The following MB variants were observed in gnomAD, a reference collection of about 807,000 sequenced individuals.
MB encodes the protein nitrite reductase MB.
A neutral mutation model predicts 14.5 loss-of-function variants in MB; 10 were observed. That is an observed-to-expected ratio of 0.69 (90% CI 0.43 to 1.17). The LOEUF (loss-of-function observed/expected upper bound fraction) is 1.17, where lower values mean the gene tolerates loss of function less well. Among genes scored for constraint, MB ranks in the 50% most tolerant of loss-of-function variants. The pLI, the probability that MB is intolerant of heterozygous loss-of-function variation, is 0.00. For missense variants in MB, 169 were observed against 192.7 expected (o/e 0.88, Z 0.73); for synonymous variants, 89 against 78.6 (o/e 1.13, Z -0.70).
At chr22:35,614,197 T>C (rs1202604329) in intron 1 of MB, among the ~76,000 whole-genome samples, 1 of 152,190 alleles carries the variant, frequency 6.6e-6, no homozygotes, top group African/African-American at 2.4e-5. Context: ...GTCAGATCCA[T>C]GAACACCCCT....
intron 1 of MB, among the ~76,000 whole-genome samples, chr22:35,612,088 C>G (rs1245977727): frequency 6.6e-6 from 1 of 152,318 alleles, no homozygotes; most frequent in Admixed American, 6.5e-5. Flanking sequence ...ATAACTCCCA[C>G]CCTTTCCCTT....
At chr22:35,611,890 C>CTCCA (rs1480080976) in intron 1 of MB, among the ~76,000 whole-genome samples, 1 of 152,054 alleles carries the variant, frequency 6.6e-6, no homozygotes, top group Non-Finnish European at 1.5e-5. Flanking sequence ...TCCTGCCCAC[C>CTCCA]TCCAGCTTTA....
At chr22:35,620,696 C>G (rs1018467727), upstream of MB, among the ~76,000 whole-genome samples, 1 of 152,184 alleles carries the variant, frequency 6.6e-6, no homozygotes, top group Non-Finnish European at 1.5e-5. Flanking sequence ...ACGCAATGTG[C>G]GGTTTTCAAA....
rs45558642 is a variant in MB, at chr22:35,615,101, G to A, written c.95+2062C>T. ...GTGTACGTGCAGTGAAGGCCTCAGTGTTTTACAGACTGGGCTTCATGGAAT... is the reference window on the plus strand; with the variant it reads ...GTGTACGTGCAGTGAAGGCCTCAGTATTTTACAGACTGGGCTTCATGGAAT... On this transcript the variant is annotated intron_variant, in intron 1 of 2. Coordinates refer to ENST00000397326, the MANE Select transcript of MB (RefSeq NM_005368.3). 5.2e-3 allele frequency among the ~76,000 whole-genome samples: 787 copies of A among 152,292 alleles called. 27 individuals are homozygous for A. Among genetic ancestry groups the A allele is most frequent in the Admixed American group, 0.04 (618 of 15,296 alleles).
Position 35,607,732 on chromosome 22 carries a change from C to T in MB, c.319-289G>A, listed in dbSNP as rs187284100. On this transcript the variant is annotated intron_variant, in intron 2 of 2. Coordinates refer to ENST00000397326, the MANE Select transcript of MB (RefSeq NM_005368.3). The stretch of plus-strand genomic sequence containing the variant: ...CCAGGAGGGCCGGCTCCGGAGCCCA[C>T]GCTCTTACTCACAGCCCCCTCCACT... Among the ~76,000 whole-genome samples, 11 of 152,282 alleles carry T rather than the reference C, an allele frequency of 7.2e-5. No homozygotes were observed. In the East Asian group the frequency reaches 1.2e-3, roughly 16 times the overall value.
intron 2 of MB, among the ~76,000 whole-genome samples, 158 bp from the exon 3 acceptor site, chr22:35,607,601 C>T (rs45546941): frequency 5.7e-4 from 87 of 152,326 alleles, no homozygotes; most frequent in Non-Finnish European, 1.1e-3. Context: ...CACGGATGAA[C>T]CCCTTTGATC....
intron 1 of MB, among the ~76,000 whole-genome samples, chr22:35,611,737 C>T (rs1922646195): frequency 6.6e-6 from 1 of 152,196 alleles, no homozygotes; most frequent in South Asian, 2.1e-4. Context: ...CCCACTCCTG[C>T]CAGGCACTCA....
chr22:35,610,125 G>A (rs542796107), intron 2 of MB, among the ~76,000 whole-genome samples: 6 of 152,018 alleles, frequency 3.9e-5, no homozygotes, highest in South Asian at 4.2e-4. Context: ...TTCTACCCTC[G>A]GGGGATGCAC....
chr22:35,622,327 C>T (rs377734701), upstream of MB, among the ~76,000 whole-genome samples: 1 of 152,236 alleles, frequency 6.6e-6, no homozygotes, highest in South Asian at 2.1e-4. Context: ...AGCGCCAGGC[C>T]AGGGCTCAGA....
chr22:35,616,803 T>C (rs932237660), intron 1 of MB, among the ~76,000 whole-genome samples: 3 of 152,172 alleles, frequency 2.0e-5, no homozygotes, highest in African/African-American at 7.2e-5. Context: ...GGAAATGTCC[T>C]CCCCTTCTCA....
At chr22:35,617,763 C>T (rs1923191650), upstream of MB, among the ~76,000 whole-genome samples, 1 of 152,182 alleles carries the variant, frequency 6.6e-6, no homozygotes, top group South Asian at 2.1e-4. Flanking sequence ...TCTCACGCAC[C>T]TTCTGCCCCT....
At position 35,611,073 on chromosome 22, in the gene MB, CT is replaced by C; in HGVS notation, c.128del (p.Lys43SerfsTer8). 6.2e-7 allele frequency: 1 copy of C among 1,614,154 alleles called. No homozygotes were observed. The highest frequency in any genetic ancestry group is 1.1e-5 in the South Asian group (1 of 91,070). On this transcript the variant is annotated frameshift_variant, in exon 2 of 3. Coordinates refer to ENST00000397326, the MANE Select transcript of MB (RefSeq NM_005368.3). LOFTEE classifies it high-confidence loss of function. ...ACTTCAGGTGCTTGAACTTGTCAAA[CT>C]TCTCCAGAGTCTCTGGGTGACCCTT... ...LFKGHPETLE[K>X]FDKFKHLKSE...
At chr22:35,620,118 A>G (rs527362258), upstream of MB, among the ~76,000 whole-genome samples, 1 of 152,278 alleles carries the variant, frequency 6.6e-6, no homozygotes, top group Non-Finnish European at 1.5e-5. Context: ...GGTGGATCAC[A>G]AGGTCAAGAG....
chr22:35,620,795 T>A (rs1248306572), upstream of MB, among the ~76,000 whole-genome samples: 1 of 152,146 alleles, frequency 6.6e-6, no homozygotes, highest in Non-Finnish European at 1.5e-5. Context: ...GAATCCCAGC[T>A]CTTCTCCCGT....
upstream of MB, among the ~76,000 whole-genome samples, chr22:35,619,902 G>A (rs111912579): frequency 1.2e-3 from 177 of 152,284 alleles, no homozygotes; most frequent in African/African-American, 3.9e-3. Flanking sequence ...GCGACCAAAA[G>A]GGTCAGAGGC....
chr22:35,614,731 CTACCAT>C (rs1429686432), intron 1 of MB, among the ~76,000 whole-genome samples: 2 of 91,662 alleles, frequency 2.2e-5, no homozygotes, highest in Non-Finnish European at 1.9e-5. Flanking sequence ...CTCATCATCT[CTACCAT>C]TATCATTATC....
chr22:35,613,210 G>C (rs993876897), intron 1 of MB, among the ~76,000 whole-genome samples: 2 of 152,264 alleles, frequency 1.3e-5, no homozygotes, highest in Admixed American at 1.3e-4. Flanking sequence ...AAAGCAGACT[G>C]TCTGAGGCAG....
chr22:35,610,454 G>T (rs1354518448), intron 2 of MB, among the ~76,000 whole-genome samples: 1 of 152,168 alleles, frequency 6.6e-6, no homozygotes, highest in Non-Finnish European at 1.5e-5. Context: ...AGGGGCTGGG[G>T]TTCTGTAGTA....
chr22:35,607,222 A>T lies in MB; in HGVS notation c.*75T>A, dbSNP rs1319778950. 6.7e-7 allele frequency: 1 copy of T among 1,501,286 alleles called. No homozygotes were observed. The highest frequency in any genetic ancestry group is 9.0e-7 in the Non-Finnish European group (1 of 1,114,146). The allele number at this position is 1,501,286 out of a possible 1,614,324, so 93.0% of individuals were successfully genotyped here. ...GCAGACACTCAGAAGCAAACTCTAT[A>T]TGGCTACACGAGATCAGACCCCGCT... On this transcript the variant is annotated 3_prime_UTR_variant, in exon 3 of 3. Coordinates refer to ENST00000397326, the MANE Select transcript of MB (RefSeq NM_005368.3).
Sources: gnomAD v4.1 joint callset for allele counts (sites outside exome capture counted in the v4.1 genomes callset) on GRCh38, gnomAD v4.1.1 for gene constraint, MANE v1.5 for transcripts, NCBI Gene and HGNC (gene_info 2026-07-23, HGNC 2026-07-21) for gene names.